Variants in RBFOX1 observed in about 807,000 individuals in gnomAD.
RBFOX1 encodes RNA binding protein fox-1 homolog 1.
A neutral mutation model predicts 57.7 loss-of-function variants in RBFOX1; 8 were observed. The observed-to-expected ratio is 0.14, with a 90% confidence interval of 0.08 to 0.25. The LOEUF is 0.25. RBFOX1 is among the 10% of genes least tolerant of loss of function. The pLI is 1.00. For missense variants in RBFOX1, 611 were observed against 548.5 expected (o/e 1.11, Z -1.14); for synonymous variants, 326 against 222.4 (o/e 1.47, Z -4.15).
chr16:5,538,234 A>C (rs2044778818), intron 2 of RBFOX1, among the ~76,000 whole-genome samples: 1 of 152,190 alleles, frequency 6.6e-6, no homozygotes, highest in African/African-American at 2.4e-5. Context: ...TTCAAATGAC[A>C]CCTCTTACAC....
chr16:5,734,510 C>T (rs1264594022), intron 3 of RBFOX1, among the ~76,000 whole-genome samples: 2 of 152,192 alleles, frequency 1.3e-5, no homozygotes, highest in African/African-American at 4.8e-5. Context: ...CCTCTAAGCC[C>T]CATGGAGTGT....
chr16:7,369,679 G>C (rs932634475), intron 4 of RBFOX1, among the ~76,000 whole-genome samples: 10 of 152,136 alleles, frequency 6.6e-5, no homozygotes, highest in African/African-American at 2.2e-4. Context: ...ATTCCTGGGA[G>C]GATGGAGGGG....
chr16:7,590,830 G>A (rs1014168048), intron 7 of RBFOX1, among the ~76,000 whole-genome samples: 2 of 138,162 alleles, frequency 1.4e-5, no homozygotes, highest in Non-Finnish European at 3.0e-5. Flanking sequence ...TTGCATTCCA[G>A]CCTGGGCAAG....
intron 3 of RBFOX1, among the ~76,000 whole-genome samples, chr16:5,686,166 A>G (rs1239709206): frequency 6.6e-6 from 1 of 152,212 alleles, no homozygotes; most frequent in African/African-American, 2.4e-5. Context: ...CAATGTACCA[A>G]GCAACATGGA....
chr16:7,401,288 G>C (rs1433075388), intron 4 of RBFOX1, among the ~76,000 whole-genome samples: 1 of 152,168 alleles, frequency 6.6e-6, no homozygotes, highest in Non-Finnish European at 1.5e-5. Flanking sequence ...AAAAGGTGAA[G>C]CTTTTCATAT....
chr16:5,700,754 T>C (rs1276159649), intron 3 of RBFOX1, among the ~76,000 whole-genome samples: 5 of 152,230 alleles, frequency 3.3e-5, no homozygotes, highest in Non-Finnish European at 5.9e-5. Flanking sequence ...CTTACCCTTC[T>C]TTTATTTTTG....
At chr16:5,863,943 T>C (rs1366558730) in intron 3 of RBFOX1, among the ~76,000 whole-genome samples, 1 of 152,206 alleles carries the variant, frequency 6.6e-6, no homozygotes, top group Admixed American at 6.5e-5. Flanking sequence ...GAGGTACATA[T>C]TGCAGGTTAC....
At chr16:6,302,428 T>C (rs934671333) in intron 1 of RBFOX1, among the ~76,000 whole-genome samples, 1 of 152,210 alleles carries the variant, frequency 6.6e-6, no homozygotes, top group Non-Finnish European at 1.5e-5. Context: ...GGAATTTTCT[T>C]TTGTCTTCTG....
chr16:5,985,314 G>A (rs1306299714), intron 4 of RBFOX1, among the ~76,000 whole-genome samples: 4 of 138,446 alleles, frequency 2.9e-5, no homozygotes, highest in Admixed American at 2.3e-4. Context: ...ATCTTATGGG[G>A]CCATTGTCAT....
intron 4 of RBFOX1, among the ~76,000 whole-genome samples, chr16:7,387,549 C>T (rs887811936): frequency 3.3e-5 from 5 of 152,148 alleles, no homozygotes; most frequent in African/African-American, 1.2e-4. Flanking sequence ...GAGAGTGGCA[C>T]ATTGATCTCA....
intron 1 of RBFOX1, among the ~76,000 whole-genome samples, chr16:6,296,712 A>G (rs920344781): frequency 2.6e-5 from 4 of 152,092 alleles, no homozygotes; most frequent in South Asian, 4.1e-4. Context: ...GAGCCACCGT[A>G]CCCAGCCTGT....
chr16:6,486,196 T>C (rs1053658605), intron 2 of RBFOX1, among the ~76,000 whole-genome samples: 1 of 151,702 alleles, frequency 6.6e-6, no homozygotes. Flanking sequence ...TATATGACTT[T>C]TGTTTTGAGA....
chr16:5,614,641 T>G (rs577087589), intron 3 of RBFOX1, among the ~76,000 whole-genome samples: 1 of 152,310 alleles, frequency 6.6e-6, no homozygotes, highest in East Asian at 1.9e-4. Flanking sequence ...TCCATAATTC[T>G]GAAACACTTT....
chr16:5,667,956 G>A (rs2049899146), intron 3 of RBFOX1, among the ~76,000 whole-genome samples: 1 of 152,122 alleles, frequency 6.6e-6, no homozygotes, highest in Admixed American at 6.6e-5. Context: ...GGGGATGGCA[G>A]CAGTTGCCCT....
chr16:7,483,485 C>T (rs535653075), intron 4 of RBFOX1, among the ~76,000 whole-genome samples: 2 of 152,054 alleles, frequency 1.3e-5, no homozygotes, highest in South Asian at 4.1e-4. Context: ...ACCTAAAAAG[C>T]AGTTAGTGTG....
chr16:7,311,388 A>C (rs2096302989), intron 4 of RBFOX1, among the ~76,000 whole-genome samples: 1 of 152,132 alleles, frequency 6.6e-6, no homozygotes, highest in Non-Finnish European at 1.5e-5. Context: ...GCCATAGAAC[A>C]AAGTAGAAGC....
intron 4 of RBFOX1, among the ~76,000 whole-genome samples, chr16:7,486,962 C>G (rs771454827): frequency 6.6e-6 from 1 of 152,154 alleles, no homozygotes; most frequent in Non-Finnish European, 1.5e-5. Context: ...TACAGTGGCA[C>G]AATCTCGGCT....
intron 4 of RBFOX1, among the ~76,000 whole-genome samples, chr16:7,169,671 C>G (rs1162575170): frequency 2.0e-5 from 3 of 152,190 alleles, no homozygotes; most frequent in Non-Finnish European, 4.4e-5. Flanking sequence ...AATTTTGGTG[C>G]AGGGTTTACT....
chr16:6,791,021 T>G (rs2082837616), intron 3 of RBFOX1, among the ~76,000 whole-genome samples: 1 of 152,110 alleles, frequency 6.6e-6, no homozygotes, highest in African/African-American at 2.4e-5. Context: ...TCCTTCCACT[T>G]CAGCCTTCTG....
Sources: gnomAD v4.1 joint callset for allele counts (sites outside exome capture counted in the v4.1 genomes callset) on GRCh38, gnomAD v4.1.1 for gene constraint, MANE v1.5 for transcripts, NCBI Gene and HGNC (gene_info 2026-07-23, HGNC 2026-07-21) for gene names.